Variants in TMEM151B observed in about 807,000 individuals in gnomAD.
TMEM151B encodes transmembrane protein 151B, also known as transmembrane protein 193.
TMEM151B carries 18 observed loss-of-function variants against 33.0 expected under a neutral mutation model. The observed-to-expected ratio is 0.55, with a 90% CI of 0.38 to 0.81. The LOEUF (loss-of-function observed/expected upper bound fraction) is 0.81, where lower values mean the gene tolerates loss of function less well. Among genes scored for constraint, TMEM151B ranks in the 30% least tolerant of loss-of-function variants. The probability of loss-of-function intolerance (pLI) is 0.00; values close to 1 mark genes in which losing one functional copy is unlikely to be tolerated. For synonymous variants in TMEM151B, 354 were observed against 373.6 expected (o/e 0.95, Z 0.61); for missense variants, 672 against 843.4 (o/e 0.80, Z 2.52).
At position 44,276,326 on chromosome 6, in the gene TMEM151B, C is replaced by T. The variant is rs767840189; in HGVS notation, c.1500C>T (p.Cys500=). 50 of 1,459,050 alleles carry T rather than the reference C, an allele frequency of 3.4e-5. No individual in the cohort carries two copies. The South Asian group carries it at 6.4e-4, about 19-fold the overall frequency. 90.4% of individuals were successfully genotyped at this position (1,459,050 alleles called of 1,614,324 possible). ...GCGGGAGCGTCAACGAGGCCAGCTG[C>T]CCCACGGAGCAGACGCGGCTGTCCA... ...SRSGSVNEAS[C]PTEQTRLSSQ... is the part of the protein sequence containing the mutation. Residue 500 remains cysteine, a synonymous_variant, in exon 3 of 3, where the codon TGC becomes TGT. Transcript: ENST00000451188.
intron 1 of TMEM151B, among the ~76,000 whole-genome samples, chr6:44,272,215 G>A (rs922273548): frequency 3.9e-5 from 6 of 152,208 alleles, no homozygotes; most frequent in South Asian, 2.1e-4. Flanking sequence ...TTCAAACGTT[G>A]TCCTCGCTAC....
rs1450853436 is a variant in TMEM151B at position 44,278,355 on chromosome 6, CACCTGCCTACTAGCACTGA to C, written c.*1837_*1855del. ...CCAGGTTTTCCTGGACAGCAGTGCC[CACCTGCCTACTAGCACTGA>C]ACCTGCCTGGACCCTGAGTCTGTGC... On this transcript the variant is annotated 3_prime_UTR_variant, in exon 3 of 3. Transcript: ENST00000451188. 1 of 153,754 alleles carries C rather than the reference CACCTGCCTACTAGCACTGA, an allele frequency of 6.5e-6. No homozygotes were observed. The highest frequency in any genetic ancestry group is 1.9e-4 in the East Asian group (1 of 5,198). 9.5% of individuals were successfully genotyped at this position (153,754 alleles called of 1,614,324 possible).
rs959618339 is a variant in TMEM151B, at chr6:44,275,395, C to T, written c.577-8C>T. ...CCGCGACCCCGCCGCCTGCCCCCCG[C>T]GCCGCAGGTCTACCACGAACGCGTC... On this transcript the variant is annotated splice_region_variant and splice_polypyrimidine_tract_variant and intron_variant, in intron 2 of 2. Transcript: ENST00000451188. 8.7e-6 allele frequency: 13 copies of T among 1,490,538 alleles called. No individual in the cohort carries two copies. In the Admixed American group the frequency reaches 2.7e-4, roughly 31 times the overall value. 92.3% of individuals were successfully genotyped at this position (1,490,538 alleles called of 1,614,324 possible).
rs774576463 is a variant in TMEM151B at position 44,276,802 on chromosome 6, C to G, written c.*275C>G. On this transcript the variant is annotated 3_prime_UTR_variant, in exon 3 of 3. Transcript: ENST00000451188. ...CAACCCTGAGTTCCTAAAGGGACAC[C>G]TCCCTCCTGTCCAGCCCTTCAACAG... 26 of 464,334 alleles carry G rather than the reference C, an allele frequency of 5.6e-5. No individual in the cohort carries two copies. The highest frequency in any genetic ancestry group is 6.3e-5 in the Non-Finnish European group (19 of 300,116). 28.8% of individuals were successfully genotyped at this position (464,334 alleles called of 1,614,324 possible). A position where few individuals can be genotyped will look rare whatever the true frequency, so the allele number is the denominator to read the frequency against.
chr6:44,276,518 C>T lies in TMEM151B; in HGVS notation c.1692C>T (p.Thr564=), dbSNP rs1307850769. 14 of 1,367,384 alleles carry T rather than the reference C, an allele frequency of 1.0e-5. No homozygotes were observed. The African/African-American group carries it at 1.4e-4, about 13-fold the overall frequency. 84.7% of individuals were successfully genotyped at this position (1,367,384 alleles called of 1,614,324 possible). ...PLHRHGSCVE[T]SL Reference sequence around the variant, plus strand: ...ACCGCCACGGCTCCTGCGTAGAGACCTCACTGTGACCTCCGGCCCCGGAGT... The same window carrying T: ...ACCGCCACGGCTCCTGCGTAGAGACTTCACTGTGACCTCCGGCCCCGGAGT... Residue 564 remains threonine, a synonymous_variant, in exon 3 of 3, where the codon ACC becomes ACT. Transcript: ENST00000451188.
In TMEM151B at chr6:44,276,308, C is replaced by T. The variant is rs930747143; in HGVS notation, c.1482C>T (p.Ser494=). The T allele has an allele frequency of 7.3e-5, 105 of 1,437,560 alleles. 1 individual carries two copies. In the Admixed American group the frequency reaches 2.6e-3, roughly 35 times the overall value. 89.1% of individuals were successfully genotyped at this position (1,437,560 alleles called of 1,614,324 possible). A position where few individuals can be genotyped will look rare whatever the true frequency, so the allele number is the denominator to read the frequency against. ...RSCLWRSRSG[S]VNEASCPTEQ... is the part of the protein sequence containing the mutation. ...GCCTGTGGCGCAGCCGCAGCGGGAGCGTCAACGAGGCCAGCTGCCCCACGG... is the reference window on the plus strand; with the variant it reads ...GCCTGTGGCGCAGCCGCAGCGGGAGTGTCAACGAGGCCAGCTGCCCCACGG... The change falls in exon 3 of 3, where the codon AGC becomes AGT. Residue 494 remains serine (S), a synonymous_variant. Transcript: ENST00000451188.
chr6:44,276,650 G>A lies in TMEM151B; in HGVS notation c.*123G>A. 9 of 1,283,244 alleles carry A rather than the reference G, an allele frequency of 7.0e-6. No homozygotes were observed. The highest frequency in any genetic ancestry group is 8.9e-6 in the Non-Finnish European group (9 of 1,015,920). The allele number at this position is 1,283,244 out of a possible 1,614,324, so 79.5% of individuals were successfully genotyped here. A position where few individuals can be genotyped will look rare whatever the true frequency, so the allele number is the denominator to read the frequency against. On this transcript the variant is annotated 3_prime_UTR_variant, in exon 3 of 3. Transcript: ENST00000451188. ...CCGCGCGGGGGGCAGGGAAAGGGAG[G>A]TGAGGGCCGCAAGACAGGCCCGGAT...
At chr6:44,275,371 C>G (rs1277001004) in intron 2 of TMEM151B, 32 bp from the exon 3 acceptor site, 1 of 1,467,156 alleles carries the variant, frequency 6.8e-7, no homozygotes, top group Non-Finnish European at 9.0e-7. Flanking sequence ...ACGGGCTCCC[C>G]GCGACCCCGC....
In TMEM151B at chr6:44,277,432, G is replaced by C. The variant is rs1583016960; in HGVS notation, c.*905G>C. The C allele has an allele frequency of 6.6e-6, 1 of 152,428 alleles. No individual in the cohort carries two copies. The highest frequency in any genetic ancestry group is 1.9e-4 in the East Asian group (1 of 5,184). The allele number at this position is 152,428 out of a possible 1,614,324, so 9.4% of individuals were successfully genotyped here. On this transcript the variant is annotated 3_prime_UTR_variant, in exon 3 of 3. Transcript: ENST00000451188. ...AGCACTCGTTAAAGCTGGCCAGCAC[G>C]AGTGACTAAGGGGAGAGAGCATGAC...
rs2153338584 is a variant in TMEM151B at position 44,276,718 on chromosome 6, G to GGGTGGGAGGGGGTC, written c.*194_*207dup. The GGGTGGGAGGGGGTC allele has an allele frequency of 8.6e-7, 1 of 1,164,204 alleles. No homozygotes were observed. The highest frequency in any genetic ancestry group is 1.1e-6 in the Non-Finnish European group (1 of 926,462). The allele number at this position is 1,164,204 out of a possible 1,614,324, so 72.1% of individuals were successfully genotyped here. ...TGTCCCTGTACATAAAGAGACCGAT[G>GGGTGGGAGGGGGTC]GGTGGGAGGGGGTCGGCTGCTCCCC... On this transcript the variant is annotated 3_prime_UTR_variant, in exon 3 of 3. Coordinates refer to ENST00000451188, the MANE Select transcript of TMEM151B (RefSeq NM_001137560.2).
At position 44,271,880 on chromosome 6, in the gene TMEM151B, T is replaced by TTGTGTGTGTGTGTGTGTGTGTG. The variant is rs58355560; in HGVS notation, c.135+1010_135+1031dup. Among the ~76,000 whole-genome samples the TTGTGTGTGTGTGTGTGTGTGTG allele has an allele frequency of 1.4e-3, 206 of 148,230 alleles. 1 individual carries two copies. The highest frequency in any genetic ancestry group is 4.9e-3 in the African/African-American group (196 of 39,794). ...GGTAAGTCAGGATCCCAGCAGGAGG[T>TTGTGTGTGTGTGTGTGTGTGTG]TGTGTGTGTGTGTGTGTGTGTGTGT... On this transcript the variant is annotated intron_variant, in intron 1 of 2. Transcript: ENST00000451188.
At position 44,275,525 on chromosome 6, in the gene TMEM151B, C is replaced by G; in HGVS notation, c.699C>G (p.Arg233=). The G allele has an allele frequency of 6.5e-7, 1 of 1,550,232 alleles. No individual in the cohort carries two copies. The highest frequency in any genetic ancestry group is 1.4e-5 in the African/African-American group (1 of 73,148). The change falls in exon 3 of 3, where the codon CGC becomes CGG. Residue 233 remains arginine (R), a synonymous_variant. Coordinates refer to ENST00000451188, the MANE Select transcript of TMEM151B (RefSeq NM_001137560.2). The part of the protein sequence containing the change: ...GLEGAPATRL[R]FTKCFSFASV... ...AGGGCGCGCCGGCCACGCGGCTGCG[C>G]TTCACCAAGTGCTTCAGTTTCGCCA...
chr6:44,275,190 C>T (rs1446769379), intron 2 of TMEM151B, among the ~76,000 whole-genome samples: 1 of 152,022 alleles, frequency 6.6e-6, no homozygotes, highest in Non-Finnish European at 1.5e-5. Context: ...TGGTTCTAGT[C>T]CGGTCATCAC....
rs1431749695 is a variant in TMEM151B, at chr6:44,277,145, T to C, written c.*618T>C. 1.3e-5 allele frequency: 2 copies of C among 152,484 alleles called. No individual in the cohort carries two copies. Among genetic ancestry groups the C allele is most frequent in the African/African-American group, 4.8e-5 (2 of 41,456 alleles). The allele number at this position is 152,484 out of a possible 1,614,324, so 9.4% of individuals were successfully genotyped here. On this transcript the variant is annotated 3_prime_UTR_variant, in exon 3 of 3. Transcript: ENST00000451188. ...CGCTGACCCCAAGATTGGGGTTTCC[T>C]TTCTGCCGCTCCCTCCACTGTTGTT...
Position 44,276,024 on chromosome 6 carries a change from A to G in TMEM151B, c.1198A>G (p.Thr400Ala). ...AVLMDLAGLGTRCGGAGGGYA... is the reference protein window; with the variant it reads ...AVLMDLAGLGARCGGAGGGYA... ...GCTCATGGACCTGGCGGGGCTCGGG[A>G]CGCGCTGCGGCGGGGCAGGCGGCGG... is the stretch of plus-strand genomic sequence containing the variant. Residue 400 changes from threonine to alanine, a missense_variant, in exon 3 of 3, where the codon ACG becomes GCG. This residue lies in a region of TMEM151B where 324 missense variants were observed against 363.1 expected (regional missense o/e 0.89). Coordinates refer to ENST00000451188, the MANE Select transcript of TMEM151B (RefSeq NM_001137560.2). 1 of 1,345,220 alleles carries G rather than the reference A, an allele frequency of 7.4e-7. No homozygotes were observed. The highest frequency in any genetic ancestry group is 9.5e-7 in the Non-Finnish European group (1 of 1,050,304). 83.3% of individuals were successfully genotyped at this position (1,345,220 alleles called of 1,614,324 possible).
At chr6:44,272,927 C>T (rs955656514) in intron 1 of TMEM151B, 139 bp from the exon 2 acceptor site, 55 of 758,890 alleles carry the variant, frequency 7.2e-5, no homozygotes, top group Non-Finnish European at 8.7e-5. Context: ...CACCTTTTCT[C>T]TCCATATCCC....
chr6:44,278,033 G>A lies in TMEM151B; in HGVS notation c.*1506G>A, dbSNP rs981114116. 1 of 153,308 alleles carries A rather than the reference G, an allele frequency of 6.5e-6. No homozygotes were observed. Among genetic ancestry groups the A allele is most frequent in the African/African-American group, 2.4e-5 (1 of 41,440 alleles). The allele number at this position is 153,308 out of a possible 1,614,324, so 9.5% of individuals were successfully genotyped here. On this transcript the variant is annotated 3_prime_UTR_variant, in exon 3 of 3. Transcript: ENST00000451188. ...TGGGCCACCCACATCTCTCACCCCT[G>A]ATGCTTCTTACTTCGCCTGAGCCAT... is the stretch of plus-strand genomic sequence containing the variant.
At chr6:44,272,391 C>A (rs2153337211) in intron 1 of TMEM151B, among the ~76,000 whole-genome samples, 1 of 152,186 alleles carries the variant, frequency 6.6e-6, no homozygotes, top group Middle Eastern at 3.4e-3. Flanking sequence ...CACAGGGGAA[C>A]CAGGGTCCAG....
intron 1 of TMEM151B, among the ~76,000 whole-genome samples, chr6:44,272,440 G>A (rs1782400392): frequency 6.6e-6 from 1 of 152,144 alleles, no homozygotes; most frequent in African/African-American, 2.4e-5. Flanking sequence ...TTCTCTGGAG[G>A]CCCTTATCCA....
Sources: allele counts gnomAD v4.1 joint callset (sites outside exome capture counted in the v4.1 genomes callset), GRCh38; gene constraint gnomAD v4.1.1; regional missense constraint gnomAD v4.1.1; transcripts MANE v1.5; gene names NCBI Gene and HGNC (gene_info 2026-07-23, HGNC 2026-07-21).